Variants in SLC2A14 observed in about 807,000 individuals in gnomAD.
SLC2A14 encodes the protein solute carrier family 2 member 14.
SLC2A14 carries 13 observed loss-of-function variants against 43.0 expected under a neutral mutation model. The ratio of observed to expected loss-of-function variants is 0.30; its 90% CI spans 0.20 to 0.48. SLC2A14 has a LOEUF of 0.48. Among genes scored for constraint, SLC2A14 ranks in the 20% least tolerant of loss-of-function variants. The probability of loss-of-function intolerance (pLI) is 0.99; values close to 1 mark genes in which losing one functional copy is unlikely to be tolerated. For missense variants in SLC2A14, 428 were observed against 620.4 expected (o/e 0.69, Z 3.29); for synonymous variants, 190 against 233.8 (o/e 0.81, Z 1.71).
intron 1 of SLC2A14, among the ~76,000 whole-genome samples, chr12:7,870,601 C>T (rs997792454): frequency 1.3e-5 from 2 of 152,046 alleles, no homozygotes; most frequent in Admixed American, 1.3e-4. Context: ...TTCCACTATT[C>T]CACATCCTCC....
chr12:7,835,135 T>A (rs1048325228), intron 2 of SLC2A14, among the ~76,000 whole-genome samples: 1 of 149,968 alleles, frequency 6.7e-6, no homozygotes, highest in African/African-American at 2.4e-5. Context: ...TGAGGTGCGA[T>A]GGGTAAATTT....
chr12:7,879,327 C>CAAAA (rs767648631), intron 1 of SLC2A14, among the ~76,000 whole-genome samples: 2 of 100,376 alleles, frequency 2.0e-5, no homozygotes, highest in Non-Finnish European at 2.2e-5. Context: ...AAACAAACAA[C>CAAAA]AACAAAAAAA....
intron 5 of SLC2A14, among the ~76,000 whole-genome samples, 191 bp downstream of exon 5, chr12:7,829,574 GA>G (rs1278414717): frequency 6.6e-6 from 1 of 151,140 alleles, no homozygotes; most frequent in African/African-American, 2.4e-5. Context: ...AAAAGAAAAA[GA>G]AAAAAGGAAA....
At position 7,851,980 on chromosome 12, in the gene SLC2A14, A is replaced by T. The variant is rs7135876; in HGVS notation, c.18+17883T>A. 7.2e-5 allele frequency among the ~76,000 whole-genome samples: 11 copies of T among 152,252 alleles called. No individual in the cohort carries two copies. In the South Asian group the frequency reaches 2.3e-3, roughly 32 times the overall value. ...TGACGGGACAGTGACTTCTGCCCCC[A>T]TCTCTCTCACTAATAAGTAGCTAGT... On this transcript the variant is annotated intron_variant, in intron 2 of 10. Coordinates refer to ENST00000431042, the MANE Select transcript of SLC2A14 (RefSeq NM_001286234.2).
At chr12:7,825,257 T>TGAGACTATCTTGGCTAACACACAGAAACC (rs1555120612) in intron 7 of SLC2A14, among the ~76,000 whole-genome samples, 33 of 136,096 alleles carry the variant, frequency 2.4e-4, no homozygotes, top group Non-Finnish European at 4.8e-4. Flanking sequence ...AGCCAGGAGT[T>TGAGACTATCTTGGCTAACACACAGAAACC]CAAGACCAGA....
intron 1 of SLC2A14, among the ~76,000 whole-genome samples, chr12:7,888,000 G>C (rs1369997429): frequency 6.6e-6 from 1 of 152,058 alleles, no homozygotes; most frequent in Non-Finnish European, 1.5e-5. Flanking sequence ...GCCTCCTTGG[G>C]TTCTCCCACA....
chr12:7,890,945 C>A, intron 1 of SLC2A14: 1 of 1,499,042 alleles, frequency 6.7e-7, no homozygotes, highest in South Asian at 1.3e-5. Context: ...AAGAAATCAT[C>A]CTCGACATGG....
chr12:7,819,413 G>A (rs1364230903), intron 9 of SLC2A14, 69 bp downstream of exon 9: 1 of 1,567,580 alleles, frequency 6.4e-7, no homozygotes, highest in African/African-American at 1.4e-5. Context: ...CCCACCCCTT[G>A]TGTCACAGAA....
At chr12:7,834,128 CTT>C (rs1213104832) in intron 2 of SLC2A14, among the ~76,000 whole-genome samples, 1 of 152,068 alleles carries the variant, frequency 6.6e-6, no homozygotes, top group African/African-American at 2.4e-5. Flanking sequence ...TCTGTTAAAT[CTT>C]TTTCTTTTTA....
rs57437134 is a variant in SLC2A14 at position 7,880,708 on chromosome 12, AAAAAAAG to A, written c.132+10281_132+10287del. Reference sequence around the variant, plus strand: ...TGGGTCTCAAAAAAAAAAAAAAAAAAAAAAAAGAGAGAAATTGGCCGGGCGCAGTGGC... The same window carrying A: ...TGGGTCTCAAAAAAAAAAAAAAAAAAAGAGAAATTGGCCGGGCGCAGTGGC... On this transcript the variant is annotated intron_variant, in intron 1 of 9. Coordinates refer to the SLC2A14 transcript ENST00000539924. Among the ~76,000 whole-genome samples, 792 of 136,306 alleles carry A rather than the reference AAAAAAAG, an allele frequency of 5.8e-3. 23 individuals are homozygous for A. The highest frequency in any genetic ancestry group is 0.017 in the African/African-American group (635 of 36,988). 89.4% of individuals were successfully genotyped at this position (136,306 alleles called of 152,430 possible).
chr12:7,882,540 T>G, intron 1 of SLC2A14, among the ~76,000 whole-genome samples: 1 of 151,950 alleles, frequency 6.6e-6, no homozygotes, highest in East Asian at 1.9e-4. Flanking sequence ...TAAAAGATAT[T>G]TATTTGAGGC....
At chr12:7,876,280 CAAAAAAA>C (rs59935166), upstream of SLC2A14, among the ~76,000 whole-genome samples, 44 of 68,208 alleles carry the variant, frequency 6.5e-4, no homozygotes, top group African/African-American at 1.2e-3. Flanking sequence ...AACTCCATCT[CAAAAAAA>C]AAAAAAAAAA....
intron 1 of SLC2A14, among the ~76,000 whole-genome samples, chr12:7,878,875 G>A (rs758123946): frequency 1.4e-5 from 2 of 147,470 alleles, no homozygotes; most frequent in Admixed American, 1.4e-4. Context: ...TACTCAGGAG[G>A]CTGAGGCAGA....
In SLC2A14 at chr12:7,879,774, G is replaced by A. The variant is rs150514369; in HGVS notation, c.132+11222C>T. 1.3e-3 allele frequency among the ~76,000 whole-genome samples: 196 copies of A among 152,226 alleles called. 2 individuals are homozygous for A. Among genetic ancestry groups the A allele is most frequent in the Non-Finnish European group, 2.1e-3 (145 of 68,022 alleles). On this transcript the variant is annotated intron_variant, in intron 1 of 9. Transcript: ENST00000539924. ...AATCCCAACACTTTGGGAGGGCAAA[G>A]CAGGAGGAACACTTGAGCCCAAGAG...
rs149103650 is a variant in SLC2A14, at chr12:7,841,905, T to C, written c.19-9091A>G. ...TTGTAATCCCAATTACTCAGGAGGC[T>C]GAGGCAGGAGAATTGACTGAACCCA... is the stretch of plus-strand genomic sequence containing the variant. On this transcript the variant is annotated intron_variant, in intron 2 of 10. Transcript: ENST00000431042. 5.4e-3 allele frequency among the ~76,000 whole-genome samples: 813 copies of C among 151,684 alleles called. 12 individuals are homozygous for C. The highest frequency in any genetic ancestry group is 0.019 in the African/African-American group (781 of 41,344).
At chr12:7,852,494 T>C (rs1365996832) in intron 2 of SLC2A14, among the ~76,000 whole-genome samples, 2 of 152,108 alleles carry the variant, frequency 1.3e-5, no homozygotes, top group African/African-American at 4.8e-5. Flanking sequence ...GTTTAAAACT[T>C]TTCTAACTTT....
At chr12:7,834,953 T>C (rs915431718) in intron 2 of SLC2A14, among the ~76,000 whole-genome samples, 1 of 152,062 alleles carries the variant, frequency 6.6e-6, no homozygotes, top group African/African-American at 2.4e-5. Context: ...CAGTGTACTT[T>C]GGGAGGAGCC....
At chr12:7,850,479 T>A (rs1866834577) in intron 2 of SLC2A14, among the ~76,000 whole-genome samples, 1 of 151,884 alleles carries the variant, frequency 6.6e-6, no homozygotes, top group African/African-American at 2.4e-5. Context: ...CACTGCAACA[T>A]CCGTCTCCTG....
At chr12:7,833,842 C>A (rs887342373) in intron 2 of SLC2A14, among the ~76,000 whole-genome samples, 3 of 151,882 alleles carry the variant, frequency 2.0e-5, no homozygotes, top group African/African-American at 4.8e-5. Flanking sequence ...TCGTCTTCAC[C>A]TTGCCTGGAA....
Sources: allele counts gnomAD v4.1 joint callset (sites outside exome capture counted in the v4.1 genomes callset), GRCh38; gene constraint gnomAD v4.1.1; transcripts MANE v1.5; gene names NCBI Gene and HGNC (gene_info 2026-07-23, HGNC 2026-07-21).